FBLN7: variants seen among roughly 807,000 people sequenced by gnomAD.
The protein encoded by FBLN7 is fibulin-7.
Under a neutral mutation model 44.0 loss-of-function variants are expected in FBLN7, and 31 were observed. The observed-to-expected ratio is 0.70, with a 90% CI of 0.53 to 0.95. FBLN7 has a LOEUF of 0.95. Ranked by LOEUF, FBLN7 falls within the 40% of genes least tolerant of loss-of-function variation. FBLN7 has a pLI of 0.00. For missense variants in FBLN7, 573 were observed against 618.5 expected (o/e 0.93, Z 0.78); for synonymous variants, 262 against 253.4 (o/e 1.03, Z -0.32).
the FBLN7 span, among the ~76,000 whole-genome samples, chr2:112,219,885 T>C: frequency 6.6e-6 from 1 of 152,190 alleles, no homozygotes; most frequent in Non-Finnish European, 1.5e-5. Flanking sequence ...CCCACTATTA[T>C]TGTGTGGTTA....
chr2:112,160,768 ACG>A (rs1681783492), intron 2 of FBLN7, among the ~76,000 whole-genome samples: 3 of 40,524 alleles, frequency 7.4e-5, no homozygotes, highest in Non-Finnish European at 1.8e-4. Context: ...ACGCACGCAC[ACG>A]CAGACGCACA....
At chr2:112,199,231 A>G in the FBLN7 span, among the ~76,000 whole-genome samples, 9 of 152,162 alleles carry the variant, frequency 5.9e-5, no homozygotes, top group East Asian at 1.9e-4. Context: ...GCATCCCTGC[A>G]TGCAACTCTC....
At position 112,182,885 on chromosome 2, in the gene FBLN7, C is replaced by T. The variant is rs538804942; in HGVS notation, c.765C>T (p.Cys255=). The part of the protein sequence containing the change: ...VNTPGSYRCT[C]PGGYRTLADG... ...CCCCGGGCTCTTACCGTTGCACCTG[C>T]CCCGGTGGATACCGAACTCTGGCTG... Residue 255 remains cysteine, a synonymous_variant, in exon 6 of 8, where the codon TGC becomes TGT. Coordinates refer to ENST00000331203, the MANE Select transcript of FBLN7 (RefSeq NM_153214.3). 1.7e-5 allele frequency: 27 copies of T among 1,612,970 alleles called. No homozygotes were observed. In the African/African-American group the frequency reaches 2.5e-4, roughly 15 times the overall value.
chr2:112,196,834 A>G, the FBLN7 span, among the ~76,000 whole-genome samples: 1 of 152,034 alleles, frequency 6.6e-6, no homozygotes, highest in Non-Finnish European at 1.5e-5. Context: ...GGTCCAATGG[A>G]CTCACAGTTC....
the FBLN7 span, among the ~76,000 whole-genome samples, chr2:112,195,273 G>A: frequency 2.0e-5 from 3 of 152,280 alleles, no homozygotes; most frequent in Admixed American, 2.0e-4. Flanking sequence ...CTCAGGGAGC[G>A]CTTTAGATGC....
intron 3 of FBLN7, among the ~76,000 whole-genome samples, chr2:112,170,886 T>A (rs1682423908): frequency 1.3e-5 from 2 of 152,172 alleles, no homozygotes; most frequent in Non-Finnish European, 2.9e-5. Context: ...ATTCTAGGTA[T>A]TTTTAGAGAC....
chr2:112,210,789 G>C, the FBLN7 span, among the ~76,000 whole-genome samples: 1 of 151,040 alleles, frequency 6.6e-6, no homozygotes, highest in Non-Finnish European at 1.5e-5. Flanking sequence ...ATACACACAA[G>C]ACACATATTC....
downstream of FBLN7, among the ~76,000 whole-genome samples, chr2:112,192,401 G>A (rs763863032): frequency 6.6e-6 from 1 of 152,190 alleles, no homozygotes; most frequent in Non-Finnish European, 1.5e-5. Flanking sequence ...AGAGGCCTGA[G>A]TGGAGGGGTA....
the FBLN7 span, among the ~76,000 whole-genome samples, chr2:112,219,495 G>T: frequency 6.6e-6 from 1 of 152,060 alleles, no homozygotes; most frequent in African/African-American, 2.4e-5. Flanking sequence ...GAAAACATAA[G>T]GGAAAGTCTT....
the FBLN7 span, among the ~76,000 whole-genome samples, chr2:112,225,155 ACT>A: frequency 6.6e-6 from 1 of 151,996 alleles, no homozygotes; most frequent in Admixed American, 6.6e-5. Context: ...GAATTTATTA[ACT>A]CTAGTAGGTT....
At chr2:112,142,932 T>C (rs943775251) in intron 1 of FBLN7, among the ~76,000 whole-genome samples, 15 of 152,032 alleles carry the variant, frequency 9.9e-5, no homozygotes, top group African/African-American at 3.4e-4. Flanking sequence ...GTGTGTGTGA[T>C]TGGGTATGCA....
At position 112,138,687 on chromosome 2, in the gene FBLN7, T is replaced by A; in HGVS notation, c.32T>A (p.Leu11His). 1 of 1,613,718 alleles carries A rather than the reference T, an allele frequency of 6.2e-7. No individual in the cohort carries two copies. Among genetic ancestry groups the A allele is most frequent in the Non-Finnish European group, 8.5e-7 (1 of 1,179,870 alleles). The change falls in exon 1 of 8, where the codon CTT becomes CAT. Residue 11 changes from leucine (L) to histidine (H), a missense_variant. Transcript: ENST00000331203. ...CCCAGCTCTCCGCGCGCGCTCTTCC[T>A]TCTGCTCCTGATCCTCGCCTGCCCC... Reference protein sequence around the residue: MVPSSPRALFLLLLILACPEP... With the variant: MVPSSPRALFHLLLILACPEP...
chr2:112,166,226 T>C (rs950257895), intron 3 of FBLN7, among the ~76,000 whole-genome samples: 2 of 152,260 alleles, frequency 1.3e-5, no homozygotes, highest in East Asian at 3.9e-4. Context: ...AACTTTCGTA[T>C]GTTTAGTAGA....
At chr2:112,180,781 G>A (rs1454168879) in intron 4 of FBLN7, among the ~76,000 whole-genome samples, 5 of 152,062 alleles carry the variant, frequency 3.3e-5, no homozygotes, top group East Asian at 1.9e-4. Context: ...AAATTTGCCC[G>A]GTGTGGTGGC....
At chr2:112,177,295 G>A (rs1271478470) in intron 4 of FBLN7, 1 of 152,174 alleles carries the variant, frequency 6.6e-6, no homozygotes, top group African/African-American at 2.4e-5. Context: ...GTGTCCCCAT[G>A]GCCAGAATCT....
At chr2:112,227,684 T>A in the FBLN7 span, among the ~76,000 whole-genome samples, 11 of 152,246 alleles carry the variant, frequency 7.2e-5, no homozygotes, top group African/African-American at 2.6e-4. Context: ...ATACTACCAA[T>A]GAACAACTAA....
chr2:112,198,639 A>AAAAGAAAGAAAG, the FBLN7 span, among the ~76,000 whole-genome samples: 1 of 136,274 alleles, frequency 7.3e-6, no homozygotes, highest in East Asian at 2.0e-4. Context: ...GTCTCAAAAA[A>AAAAGAAAGAAAG]AAAGAAAGAA....
At chr2:112,211,561 A>C in the FBLN7 span, 1 of 152,218 alleles carries the variant, frequency 6.6e-6, no homozygotes, top group Admixed American at 6.5e-5. Flanking sequence ...ACTATGTACA[A>C]CTTCAGTTAA....
the FBLN7 span, among the ~76,000 whole-genome samples, chr2:112,241,440 C>CG: frequency 6.8e-6 from 1 of 147,724 alleles, no homozygotes; most frequent in African/African-American, 2.6e-5. Flanking sequence ...TGTCCAGAGA[C>CG]CCCCCCCTCA....
Sources: allele counts gnomAD v4.1 joint callset (sites outside exome capture counted in the v4.1 genomes callset), GRCh38; gene constraint gnomAD v4.1.1; transcripts MANE v1.5; gene names NCBI Gene and HGNC (gene_info 2026-07-23, HGNC 2026-07-21).